Variants in ITGA9 observed in about 807,000 individuals in gnomAD.
ITGA9 encodes the protein integrin alpha-9.
In ITGA9, 56 loss-of-function variants were observed where a neutral mutation model predicts 127.8. The observed-to-expected ratio is 0.44, with a 90% CI of 0.35 to 0.55. The LOEUF is 0.55. Among genes scored for constraint, ITGA9 ranks in the 20% least tolerant of loss-of-function variants. The probability of loss-of-function intolerance (pLI) is 0.00; values close to 1 mark genes in which losing one functional copy is unlikely to be tolerated. For missense variants in ITGA9, 1,196 were observed against 1,347.1 expected, an observed-to-expected ratio of 0.89 and a Z score of 1.76; for synonymous variants, 508 against 514.5, an observed-to-expected ratio of 0.99 and a Z score of 0.17.
At chr3:37,644,121 G>A (rs1700356267) in intron 16 of ITGA9, among the ~76,000 whole-genome samples, 1 of 152,212 alleles carries the variant, frequency 6.6e-6, no homozygotes, top group African/African-American at 2.4e-5. Context: ...GAAATGAAAA[G>A]TTGTGATTAT....
intron 26 of ITGA9, among the ~76,000 whole-genome samples, chr3:37,797,260 T>A (rs1366716581): frequency 2.6e-5 from 4 of 152,072 alleles, no homozygotes; most frequent in Non-Finnish European, 5.9e-5. Context: ...TGAGCCCACC[T>A]CAAGTGATTG....
At chr3:37,505,949 C>G in intron 6 of ITGA9, 51 bp from the exon 7 acceptor site, 1 of 1,270,480 alleles carries the variant, frequency 7.9e-7, no homozygotes, top group Non-Finnish European at 1.1e-6. Flanking sequence ...GTTTTTTTTT[C>G]CCTTCCCTTC....
At chr3:37,558,593 C>T (rs1699453663) in intron 15 of ITGA9, among the ~76,000 whole-genome samples, 2 of 152,282 alleles carry the variant, frequency 1.3e-5, no homozygotes, top group East Asian at 1.9e-4. Flanking sequence ...TTCTCTATTT[C>T]ACTCTCAAGT....
intron 16 of ITGA9, among the ~76,000 whole-genome samples, chr3:37,641,786 G>C (rs543203584): frequency 6.6e-6 from 1 of 152,176 alleles, no homozygotes; most frequent in Non-Finnish European, 1.5e-5. Context: ...CCAGGCCTCT[G>C]CCTGCCTCAG....
chr3:37,558,900 A>G (rs1699457203), intron 15 of ITGA9, among the ~76,000 whole-genome samples: 1 of 151,330 alleles, frequency 6.6e-6, no homozygotes, highest in Non-Finnish European at 1.5e-5. Context: ...CCCTCCTCTC[A>G]CCGTTCTCCC....
At chr3:37,543,362 C>T (rs919494070) in intron 15 of ITGA9, among the ~76,000 whole-genome samples, 1 of 152,130 alleles carries the variant, frequency 6.6e-6, no homozygotes, top group African/African-American at 2.4e-5. Context: ...TTTGGAGACA[C>T]ATAGATCCAG....
chr3:37,645,022 GC>G (rs1700364021), intron 16 of ITGA9, among the ~76,000 whole-genome samples: 1 of 152,124 alleles, frequency 6.6e-6, no homozygotes, highest in Non-Finnish European at 1.5e-5. Context: ...TGGGAAAACA[GC>G]CCATTGAAAC....
At chr3:37,778,688 T>G (rs916690829) in intron 24 of ITGA9, among the ~76,000 whole-genome samples, 1 of 151,896 alleles carries the variant, frequency 6.6e-6, no homozygotes, top group Non-Finnish European at 1.5e-5. Context: ...TACACCTCCA[T>G]TTTTAAAAAG....
intron 15 of ITGA9, among the ~76,000 whole-genome samples, chr3:37,556,957 G>A (rs1179752647): frequency 6.6e-6 from 1 of 152,182 alleles, no homozygotes; most frequent in African/African-American, 2.4e-5. Context: ...TAGGAGGGTG[G>A]TGTGGGCTAT....
chr3:37,681,546 C>G (rs1356101381), intron 17 of ITGA9, among the ~76,000 whole-genome samples: 1 of 152,180 alleles, frequency 6.6e-6, no homozygotes, highest in African/African-American at 2.4e-5. Flanking sequence ...CCCCACCTAT[C>G]TTGAGATTCC....
chr3:37,735,063 A>G (rs1395371608), intron 19 of ITGA9, among the ~76,000 whole-genome samples: 2 of 152,210 alleles, frequency 1.3e-5, no homozygotes, highest in African/African-American at 2.4e-5. Flanking sequence ...TCCAGGCCAC[A>G]TGCTAAGCCT....
chr3:37,700,244 A>G (rs1700931496), intron 18 of ITGA9, among the ~76,000 whole-genome samples: 1 of 152,176 alleles, frequency 6.6e-6, no homozygotes, highest in African/African-American at 2.4e-5. Context: ...TTGGCCTCCC[A>G]AAGTGCTGGG....
intron 18 of ITGA9, among the ~76,000 whole-genome samples, chr3:37,723,041 T>C (rs1028817165): frequency 2.0e-5 from 3 of 152,194 alleles, no homozygotes; most frequent in Non-Finnish European, 4.4e-5. Flanking sequence ...CTCTTTGTGG[T>C]TTTGATTTAG....
At chr3:37,567,917 G>A (rs1450964867) in intron 15 of ITGA9, among the ~76,000 whole-genome samples, 3 of 152,168 alleles carry the variant, frequency 2.0e-5, no homozygotes, top group Admixed American at 2.0e-4. Context: ...GGCACAAGCA[G>A]TTGGTGGATC....
chr3:37,651,102 G>A (rs1454935483), intron 16 of ITGA9, among the ~76,000 whole-genome samples: 1 of 152,024 alleles, frequency 6.6e-6, no homozygotes, highest in Admixed American at 6.6e-5. Flanking sequence ...AACCTGTAGG[G>A]ATATTTGTGT....
chr3:37,523,016 G>T (rs1699059843), intron 11 of ITGA9, among the ~76,000 whole-genome samples: 1 of 152,194 alleles, frequency 6.6e-6, no homozygotes, highest in South Asian at 2.1e-4. Context: ...TTTCCACATG[G>T]CCATCTTTTC....
At chr3:37,475,082 C>G (rs1258456347) in intron 3 of ITGA9, among the ~76,000 whole-genome samples, 1 of 152,234 alleles carries the variant, frequency 6.6e-6, no homozygotes, top group Admixed American at 6.5e-5. Flanking sequence ...GTTTCCAGTC[C>G]TTTCATCACT....
Position 37,741,769 on chromosome 3 carries a change from C to T in ITGA9, c.2274C>T (p.Thr758=). Residue 758 remains threonine (T), a synonymous_variant, in exon 21 of 28, where the codon ACC becomes ACT. Transcript: ENST00000264741. ...GCTCTGAATCCCTGCATGACAACAC[C>T]CTCGTGCTGATGGTGCCACTGATGC... ...TERSESLHDN[T]LVLMVPLMHE... The T allele has an allele frequency of 3.1e-6, 5 of 1,613,890 alleles. No individual in the cohort carries two copies. The highest frequency in any genetic ancestry group is 4.2e-6 in the Non-Finnish European group (5 of 1,179,922).
chr3:37,578,521 C>A (rs1699674594), intron 15 of ITGA9, among the ~76,000 whole-genome samples: 1 of 151,628 alleles, frequency 6.6e-6, no homozygotes, highest in African/African-American at 2.4e-5. Flanking sequence ...TTCCTTTCAC[C>A]CATCTTTTTC....
Sources: allele counts gnomAD v4.1 joint callset (sites outside exome capture counted in the v4.1 genomes callset), GRCh38; gene constraint gnomAD v4.1.1; transcripts MANE v1.5; gene names NCBI Gene and HGNC (gene_info 2026-07-23, HGNC 2026-07-21).